Variants in SEPTIN14 observed in about 807,000 individuals in gnomAD.
The protein encoded by SEPTIN14 is septin-14.
In SEPTIN14, 40 loss-of-function variants were observed where a neutral mutation model predicts 53.6. That is an observed-to-expected ratio of 0.75 (90% CI 0.58 to 0.97). The LOEUF is 0.97. SEPTIN14 is among the 50% of genes least tolerant of loss of function. The pLI is 0.00. For synonymous variants in SEPTIN14, 138 were observed against 166.8 expected (o/e 0.83, Z 1.33); for missense variants, 471 against 508.2 (o/e 0.93, Z 0.70).
chr7:55,824,207 C>T (rs557720339), intron 6 of SEPTIN14, among the ~76,000 whole-genome samples: 3 of 152,216 alleles, frequency 2.0e-5, no homozygotes, highest in East Asian at 1.9e-4. Flanking sequence ...AGATAAGCCA[C>T]CGACTGAGAG....
At chr7:55,804,415 T>A (rs969365771) in intron 9 of SEPTIN14, among the ~76,000 whole-genome samples, 22 of 151,864 alleles carry the variant, frequency 1.4e-4, no homozygotes, top group African/African-American at 5.3e-4. Flanking sequence ...TGCAGCACCA[T>A]GCCCAGCTAA....
chr7:55,828,396 C>T (rs1227836631), intron 6 of SEPTIN14, among the ~76,000 whole-genome samples: 1 of 151,748 alleles, frequency 6.6e-6, no homozygotes, highest in East Asian at 1.9e-4. Context: ...GCTCCACCTC[C>T]CGGGTTCACA....
At chr7:55,841,460 C>T (rs1045783033) in intron 5 of SEPTIN14, among the ~76,000 whole-genome samples, 5 of 152,078 alleles carry the variant, frequency 3.3e-5, no homozygotes, top group Admixed American at 1.3e-4. Context: ...CAAGGCTGGG[C>T]GCAGTGGTTC....
intron 6 of SEPTIN14, among the ~76,000 whole-genome samples, chr7:55,826,493 C>T (rs1788989335): frequency 6.6e-6 from 1 of 152,154 alleles, no homozygotes; most frequent in Admixed American, 6.5e-5. Flanking sequence ...CCCAGAAAAG[C>T]TGTCCTTTAA....
At chr7:55,844,105 C>T (rs1342807305) in intron 4 of SEPTIN14, among the ~76,000 whole-genome samples, 1 of 152,020 alleles carries the variant, frequency 6.6e-6, no homozygotes, top group South Asian at 2.1e-4. Flanking sequence ...CCACTGCACT[C>T]CAGCCTGGGT....
At chr7:55,861,188 T>C (rs1451558845) in intron 2 of SEPTIN14, among the ~76,000 whole-genome samples, 1 of 152,198 alleles carries the variant, frequency 6.6e-6, no homozygotes, top group East Asian at 1.9e-4. Context: ...GAAATTCCTC[T>C]GATGGTTATT....
At position 55,843,045 on chromosome 7, in the gene SEPTIN14, TCAAA is replaced by T; in HGVS notation, c.451_454del (p.Phe151SerfsTer21). ...CACGTGGACGCGAGAATCATGGTAC[TCAAA>T]CAAGGAACGTTTAATCTTCAGTTCT... On this transcript the variant is annotated frameshift_variant, in exon 5 of 10. Coordinates refer to ENST00000388975, the MANE Select transcript of SEPTIN14 (RefSeq NM_207366.3). LOFTEE classifies it high-confidence loss of function. 1 of 1,604,758 alleles carries T rather than the reference TCAAA, an allele frequency of 6.2e-7. No homozygotes were observed. The highest frequency in any genetic ancestry group is 8.5e-7 in the Non-Finnish European group (1 of 1,175,146).
At chr7:55,821,322 C>G (rs1788890709) in intron 6 of SEPTIN14, among the ~76,000 whole-genome samples, 1 of 152,158 alleles carries the variant, frequency 6.6e-6, no homozygotes, top group African/African-American at 2.4e-5. Flanking sequence ...TCACTGAGCT[C>G]TCAGTTACCA....
chr7:55,825,404 T>C (rs1394612537), intron 6 of SEPTIN14, among the ~76,000 whole-genome samples: 1 of 152,222 alleles, frequency 6.6e-6, no homozygotes, highest in Admixed American at 6.5e-5. Flanking sequence ...CTATGGTGAA[T>C]GTTACTGCAG....
At chr7:55,847,931 A>C (rs1295813260) in intron 2 of SEPTIN14, among the ~76,000 whole-genome samples, 2 of 152,164 alleles carry the variant, frequency 1.3e-5, no homozygotes, top group Non-Finnish European at 2.9e-5. Context: ...GGAATTATAC[A>C]ACCCCCTGCA....
chr7:55,816,176 G>T (rs553771032), intron 7 of SEPTIN14, among the ~76,000 whole-genome samples: 2 of 152,036 alleles, frequency 1.3e-5, no homozygotes, highest in African/African-American at 2.4e-5. Context: ...GATAAAGAGT[G>T]GAATGTTGAT....
chr7:55,828,597 C>A (rs1789031903), intron 6 of SEPTIN14, among the ~76,000 whole-genome samples: 1 of 152,218 alleles, frequency 6.6e-6, no homozygotes, highest in African/African-American at 2.4e-5. Context: ...AGCCACTGCA[C>A]CCGGCCAGAT....
At chr7:55,832,202 AACACACACACACAC>A (rs112349116) in intron 6 of SEPTIN14, among the ~76,000 whole-genome samples, 2,673 of 145,090 alleles carry the variant, frequency 0.018, 93 homozygotes, top group African/African-American at 0.061. Context: ...CTCTGTCTCA[AACACACACACACAC>A]ACACACACAC....
At chr7:55,861,458 C>T (rs917503019) in intron 2 of SEPTIN14, among the ~76,000 whole-genome samples, 11 of 151,054 alleles carry the variant, frequency 7.3e-5, no homozygotes, top group African/African-American at 1.2e-4. Context: ...GCTGAGATCA[C>T]GCCACTGCAC....
At chr7:55,824,926 C>T (rs1023900514) in intron 6 of SEPTIN14, among the ~76,000 whole-genome samples, 7 of 151,270 alleles carry the variant, frequency 4.6e-5, no homozygotes, top group Non-Finnish European at 8.8e-5. Flanking sequence ...GTAACCACAT[C>T]GTAAGACTGG....
At position 55,795,976 on chromosome 7, in the gene SEPTIN14, G is replaced by A; in HGVS notation, c.1236C>T (p.Ala412=). 1 of 1,591,510 alleles carries A rather than the reference G, an allele frequency of 6.3e-7. No individual in the cohort carries two copies. The highest frequency in any genetic ancestry group is 2.2e-5 in the East Asian group (1 of 44,838). ...EIIDFYKMKA[A]SEALQTQLST... ...TCAGCTGAGTCTGCAGTGCTTCGGAGGCAGCTTTCATTTTATAAAAATCTA... is the reference window on the plus strand; with the variant it reads ...TCAGCTGAGTCTGCAGTGCTTCGGAAGCAGCTTTCATTTTATAAAAATCTA... The change falls in exon 10 of 10, where the codon GCC becomes GCT. Residue 412 remains alanine (A), a synonymous_variant. Transcript: ENST00000388975.
At chr7:55,806,557 G>A (rs1788614223) in intron 8 of SEPTIN14, among the ~76,000 whole-genome samples, 1 of 150,076 alleles carries the variant, frequency 6.7e-6, no homozygotes, top group East Asian at 2.0e-4. Flanking sequence ...TCCGCCTCCA[G>A]GGTTCAAGCG....
At chr7:55,840,291 C>G (rs1789286458) in intron 5 of SEPTIN14, among the ~76,000 whole-genome samples, 1 of 151,634 alleles carries the variant, frequency 6.6e-6, no homozygotes, top group Non-Finnish European at 1.5e-5. Flanking sequence ...GAGTTCAAGA[C>G]CAGCCTGGCC....
intron 7 of SEPTIN14, among the ~76,000 whole-genome samples, chr7:55,816,452 C>T (rs1203041868): frequency 6.6e-6 from 1 of 152,046 alleles, no homozygotes; most frequent in Non-Finnish European, 1.5e-5. Context: ...TCAAATATCT[C>T]ATGTGCCCTA....
Sources: gnomAD v4.1 joint callset for allele counts (sites outside exome capture counted in the v4.1 genomes callset) on GRCh38, gnomAD v4.1.1 for gene constraint, MANE v1.5 for transcripts, NCBI Gene and HGNC (gene_info 2026-07-23, HGNC 2026-07-21) for gene names.